The following GPC4 variants were observed in gnomAD, a reference collection of about 807,000 sequenced individuals.
GPC4 encodes glypican-4.
Under a neutral mutation model 35.0 loss-of-function variants are expected in GPC4, and 10 were observed. That is an observed-to-expected ratio of 0.29 (90% CI 0.18 to 0.48). GPC4 has a LOEUF of 0.48. Ranked by LOEUF, GPC4 falls within the 20% of genes least tolerant of loss-of-function variation. The probability of loss-of-function intolerance (pLI) is 0.99; values close to 1 mark genes in which losing one functional copy is unlikely to be tolerated. For synonymous variants in GPC4, 167 were observed against 170.2 expected (o/e 0.98, Z 0.15); for missense variants, 322 against 451.3 (o/e 0.71, Z 2.60).
chrX:133,329,772 G>C (rs1007062779), intron 2 of GPC4, among the ~76,000 whole-genome samples: 1 of 111,734 alleles, frequency 8.9e-6, no homozygotes, highest in Non-Finnish European at 1.9e-5. Context: ...GGAAGTGTAA[G>C]TACTTTCCAG....
At chrX:133,412,472 T>G (rs1287747011) in intron 1 of GPC4, among the ~76,000 whole-genome samples, 3 of 111,904 alleles carry the variant, frequency 2.7e-5, no homozygotes, top group African/African-American at 9.8e-5. Context: ...CTAAAGTCCT[T>G]GGTGGTCTTC....
intron 1 of GPC4, among the ~76,000 whole-genome samples, chrX:133,378,137 T>C (rs1225869282): frequency 5.4e-5 from 6 of 110,888 alleles, no homozygotes; most frequent in Non-Finnish European, 7.6e-5. Context: ...CTGCCCACCT[T>C]GGCCTCCCAA....
intron 3 of GPC4, among the ~76,000 whole-genome samples, chrX:133,321,767 A>G (rs1175233686): frequency 8.9e-6 from 1 of 112,122 alleles, no homozygotes; most frequent in Non-Finnish European, 1.9e-5. Context: ...CAGAAGTTCA[A>G]GAATCAGATA....
At chrX:133,315,673 G>T (rs1400175276) in intron 3 of GPC4, among the ~76,000 whole-genome samples, 2 of 111,573 alleles carry the variant, frequency 1.8e-5, no homozygotes, top group African/African-American at 6.5e-5. Flanking sequence ...TAACGAAAAG[G>T]TCTTCCTTTA....
intron 1 of GPC4, among the ~76,000 whole-genome samples, chrX:133,375,544 C>T (rs142412730): frequency 0.014 from 1,571 of 111,859 alleles, 35 homozygotes; most frequent in African/African-American, 0.048. Flanking sequence ...CATTTCTTAA[C>T]AATATTAAAC....
At chrX:133,314,019 G>A (rs765436941) in intron 3 of GPC4, among the ~76,000 whole-genome samples, 14 of 112,097 alleles carry the variant, frequency 1.2e-4, no homozygotes, top group South Asian at 7.5e-4. Context: ...CAATGCCCTC[G>A]TAAGAAGAAA....
At chrX:133,319,854 G>C (rs2068356358) in intron 3 of GPC4, among the ~76,000 whole-genome samples, 1 of 111,454 alleles carries the variant, frequency 9.0e-6, no homozygotes, top group Admixed American at 9.5e-5. Flanking sequence ...TTAACTGGCT[G>C]TCATACTCCA....
At chrX:133,377,877 CT>C (rs59474368) in intron 1 of GPC4, among the ~76,000 whole-genome samples, 33,243 of 85,186 alleles carry the variant, frequency 0.39, 6,113 homozygotes, top group African/African-American at 0.64. Flanking sequence ...TTTTCTTTTT[CT>C]TTTTTTTTTT....
intron 1 of GPC4, among the ~76,000 whole-genome samples, chrX:133,352,591 C>T (rs1392348604): frequency 9.1e-6 from 1 of 110,444 alleles, no homozygotes; most frequent in East Asian, 2.8e-4. Flanking sequence ...CACTTGATAA[C>T]AAGCTTCCCT....
chrX:133,390,035 C>T (rs2068712165), intron 1 of GPC4, among the ~76,000 whole-genome samples: 1 of 110,869 alleles, frequency 9.0e-6, no homozygotes, highest in Admixed American at 9.7e-5. Context: ...CACAACATTC[C>T]AGGCACTGGC....
chrX:133,343,765 G>T (rs1249934287), intron 1 of GPC4, among the ~76,000 whole-genome samples: 1 of 111,604 alleles, frequency 9.0e-6, no homozygotes, highest in Non-Finnish European at 1.9e-5. Context: ...CCAGCTCTAT[G>T]TAATTTCTCT....
At chrX:133,404,398 T>G (rs2068777792) in intron 1 of GPC4, among the ~76,000 whole-genome samples, 1 of 107,253 alleles carries the variant, frequency 9.3e-6, no homozygotes, top group Non-Finnish European at 1.9e-5. Flanking sequence ...AATACAAAAA[T>G]TAGCTAGGCG....
intron 1 of GPC4, among the ~76,000 whole-genome samples, chrX:133,383,148 A>T (rs6654667): frequency 0.02 from 2,204 of 112,206 alleles, 57 homozygotes; most frequent in African/African-American, 0.068. Context: ...CAAAACTTGG[A>T]AGCAACTAAG....
At chrX:133,339,527 C>A (rs892907245) in intron 1 of GPC4, among the ~76,000 whole-genome samples, 186 bp from the exon 2 acceptor site, 1 of 111,772 alleles carries the variant, frequency 8.9e-6, no homozygotes, top group African/African-American at 3.2e-5. Context: ...AATAATAAAG[C>A]CCTCTCCAAA....
At chrX:133,333,866 T>C (rs1010906840) in intron 2 of GPC4, among the ~76,000 whole-genome samples, 1 of 112,630 alleles carries the variant, frequency 8.9e-6, no homozygotes, top group Non-Finnish European at 1.9e-5. Context: ...TAAAAACCAA[T>C]CAATGTTGTA....
At chrX:133,392,671 A>C (rs1338246780) in intron 1 of GPC4, among the ~76,000 whole-genome samples, 5 of 109,458 alleles carry the variant, frequency 4.6e-5, no homozygotes, top group Non-Finnish European at 7.6e-5. Flanking sequence ...CAAAACAAAA[A>C]AAAAAAAAAA....
At chrX:133,364,431 T>A (rs976303189) in intron 1 of GPC4, among the ~76,000 whole-genome samples, 1 of 111,833 alleles carries the variant, frequency 8.9e-6, no homozygotes, top group Non-Finnish European at 1.9e-5. Context: ...GTTATTGGTC[T>A]CCACAAGCTG....
chrX:133,356,570 G>T (rs1454844882), intron 1 of GPC4, among the ~76,000 whole-genome samples: 1 of 111,094 alleles, frequency 9.0e-6, no homozygotes, highest in Non-Finnish European at 1.9e-5. Context: ...GTTCCTAAGA[G>T]AGAACTGTTG....
intron 1 of GPC4, among the ~76,000 whole-genome samples, chrX:133,355,419 T>C (rs1193212515): frequency 8.9e-6 from 1 of 112,163 alleles, no homozygotes; most frequent in Non-Finnish European, 1.9e-5. Flanking sequence ...GTTTCGTTAT[T>C]ATGAGATGAA....
Sources: allele counts gnomAD v4.1 joint callset (sites outside exome capture counted in the v4.1 genomes callset), GRCh38; gene constraint gnomAD v4.1.1; transcripts MANE v1.5; gene names NCBI Gene and HGNC (gene_info 2026-07-23, HGNC 2026-07-21).